NXPH1: variants seen among roughly 807,000 people sequenced by gnomAD.
The protein encoded by NXPH1 is neurexophilin-1.
NXPH1 carries 5 observed loss-of-function variants against 23.7 expected under a neutral mutation model. The ratio of observed to expected loss-of-function variants is 0.21; its 90% confidence interval spans 0.11 to 0.44. NXPH1 has a LOEUF of 0.44. Ranked by LOEUF, NXPH1 falls within the 20% of genes least tolerant of loss-of-function variation. NXPH1 has a pLI of 0.99. For missense variants in NXPH1, 324 were observed against 321.6 expected, an observed-to-expected ratio of 1.01 and a Z score of -0.06; for synonymous variants, 144 against 122.2, an observed-to-expected ratio of 1.18 and a Z score of -1.18.
At chr7:8,476,872 A>T (rs1816982843) in intron 2 of NXPH1, among the ~76,000 whole-genome samples, 1 of 152,134 alleles carries the variant, frequency 6.6e-6, no homozygotes, top group Non-Finnish European at 1.5e-5. Context: ...TGTACTTAAA[A>T]ATCTAACAAC....
chr7:8,736,884 C>A (rs1780266407), intron 2 of NXPH1, among the ~76,000 whole-genome samples: 1 of 151,686 alleles, frequency 6.6e-6, no homozygotes, highest in Non-Finnish European at 1.5e-5. Flanking sequence ...TATGTCATGC[C>A]CTTCTTTGTC....
intron 2 of NXPH1, among the ~76,000 whole-genome samples, chr7:8,471,112 G>C (rs910799479): frequency 1.3e-5 from 2 of 152,142 alleles, no homozygotes; most frequent in Non-Finnish European, 2.9e-5. Context: ...ATCAGAGCTA[G>C]TGCAGTAGGC....
At chr7:8,571,271 C>T (rs1466649927) in intron 2 of NXPH1, among the ~76,000 whole-genome samples, 1 of 151,440 alleles carries the variant, frequency 6.6e-6, no homozygotes, top group African/African-American at 2.4e-5. Context: ...AGGACCACTC[C>T]CAGATATATT....
intron 2 of NXPH1, among the ~76,000 whole-genome samples, chr7:8,747,193 A>G (rs1003106518): frequency 6.6e-6 from 1 of 152,176 alleles, no homozygotes; most frequent in South Asian, 2.1e-4. Flanking sequence ...CACATCACAC[A>G]GCTGTTAAAG....
chr7:8,525,907 G>T (rs1817853942), intron 2 of NXPH1, among the ~76,000 whole-genome samples: 1 of 152,246 alleles, frequency 6.6e-6, no homozygotes, highest in South Asian at 2.1e-4. Context: ...TAAGAGAAAT[G>T]TGGGGTTGGA....
intron 2 of NXPH1, among the ~76,000 whole-genome samples, chr7:8,475,105 C>A (rs1253760953): frequency 6.6e-6 from 1 of 152,052 alleles, no homozygotes; most frequent in Non-Finnish European, 1.5e-5. Context: ...TGTTTTCCTG[C>A]AGTGTATTAT....
chr7:8,557,494 T>C (rs1334499043), intron 2 of NXPH1, among the ~76,000 whole-genome samples: 2 of 151,532 alleles, frequency 1.3e-5, no homozygotes, highest in Non-Finnish European at 3.0e-5. Flanking sequence ...TAATCTTGGG[T>C]AAATTATTGA....
chr7:8,468,405 C>T (rs983956445), intron 2 of NXPH1, among the ~76,000 whole-genome samples: 1 of 152,056 alleles, frequency 6.6e-6, no homozygotes, highest in Non-Finnish European at 1.5e-5. Flanking sequence ...AAAATGCTGA[C>T]CGTTAGATAA....
intron 2 of NXPH1, among the ~76,000 whole-genome samples, chr7:8,468,195 T>C (rs1816815171): frequency 1.3e-5 from 2 of 152,108 alleles, no homozygotes. Flanking sequence ...AGATATTCTA[T>C]AAAGATAAAT....
chr7:8,712,272 A>G (rs910389521), intron 2 of NXPH1, among the ~76,000 whole-genome samples: 1 of 152,194 alleles, frequency 6.6e-6, no homozygotes, highest in Non-Finnish European at 1.5e-5. Context: ...CAGGTATCCA[A>G]TATTTTTTAC....
chr7:8,649,576 C>T (rs1820457743), intron 2 of NXPH1, among the ~76,000 whole-genome samples: 1 of 152,140 alleles, frequency 6.6e-6, no homozygotes, highest in African/African-American at 2.4e-5. Context: ...ATTGTGCAGC[C>T]CTTTGGAGAC....
chr7:8,590,992 C>T (rs1819083380), intron 2 of NXPH1, among the ~76,000 whole-genome samples: 1 of 152,028 alleles, frequency 6.6e-6, no homozygotes. Flanking sequence ...AATAGCATGC[C>T]AGAAGCTGGA....
intron 2 of NXPH1, among the ~76,000 whole-genome samples, chr7:8,681,692 T>A (rs997065069): frequency 6.6e-6 from 1 of 152,206 alleles, no homozygotes; most frequent in Non-Finnish European, 1.5e-5. Context: ...TGAAATGAAA[T>A]CTTAATTATT....
At chr7:8,716,190 A>C (rs1045081430) in intron 2 of NXPH1, among the ~76,000 whole-genome samples, 2 of 152,184 alleles carry the variant, frequency 1.3e-5, no homozygotes, top group African/African-American at 4.8e-5. Context: ...GCGTCAGAAT[A>C]AATTTCATAC....
chr7:8,534,375 T>C (rs1817994835), intron 2 of NXPH1, among the ~76,000 whole-genome samples: 2 of 152,134 alleles, frequency 1.3e-5, no homozygotes, highest in South Asian at 4.1e-4. Context: ...TGGAATCTAT[T>C]TACTACTAGG....
chr7:8,655,763 TCA>T (rs1271693383), intron 2 of NXPH1, among the ~76,000 whole-genome samples: 1 of 152,196 alleles, frequency 6.6e-6, no homozygotes, highest in Non-Finnish European at 1.5e-5. Flanking sequence ...ATCTGTTTTT[TCA>T]GACTCTTGCC....
At chr7:8,539,500 T>A (rs1818078740) in intron 2 of NXPH1, among the ~76,000 whole-genome samples, 2 of 151,804 alleles carry the variant, frequency 1.3e-5, no homozygotes, top group African/African-American at 4.8e-5. Context: ...TATATATGAG[T>A]TATCAGTAAA....
intron 2 of NXPH1, among the ~76,000 whole-genome samples, chr7:8,655,677 G>A (rs1382428776): frequency 7.2e-5 from 11 of 152,048 alleles, no homozygotes; most frequent in Admixed American, 7.2e-4. Flanking sequence ...TACTGCCCTT[G>A]TATGGAAATA....
chr7:8,721,673 G>A (rs937651931), intron 2 of NXPH1, among the ~76,000 whole-genome samples: 1 of 152,218 alleles, frequency 6.6e-6, no homozygotes, highest in Non-Finnish European at 1.5e-5. Flanking sequence ...AGCTACTCGG[G>A]AGGCTGAGGC....
Sources: gnomAD v4.1 joint callset for allele counts (sites outside exome capture counted in the v4.1 genomes callset) on GRCh38, gnomAD v4.1.1 for gene constraint, MANE v1.5 for transcripts, NCBI Gene and HGNC (gene_info 2026-07-23, HGNC 2026-07-21) for gene names.